FLRT2: variants seen among roughly 807,000 people sequenced by gnomAD.
The protein encoded by FLRT2 is leucine-rich repeat transmembrane protein FLRT2.
A neutral mutation model predicts 40.0 loss-of-function variants in FLRT2; 15 were observed. That is an observed-to-expected ratio of 0.38 (90% CI 0.25 to 0.58). FLRT2 has a LOEUF of 0.58. Ranked by LOEUF, FLRT2 falls within the 20% of genes least tolerant of loss-of-function variation. The pLI is 0.71. For synonymous variants in FLRT2, 380 were observed against 336.8 expected, an observed-to-expected ratio of 1.13 and a Z score of -1.41; for missense variants, 726 against 840.0, an observed-to-expected ratio of 0.86 and a Z score of 1.68.
At chr14:85,593,665 AG>A in intron 1 of FLRT2, among the ~76,000 whole-genome samples, 1 of 152,338 alleles carries the variant, frequency 6.6e-6, no homozygotes, top group Non-Finnish European at 1.5e-5. Flanking sequence ...TTGGCTATTT[AG>A]CATTGTTCGT....
intron 1 of FLRT2, among the ~76,000 whole-genome samples, chr14:85,545,658 G>A (rs986336323): frequency 1.3e-5 from 2 of 152,314 alleles, no homozygotes; most frequent in East Asian, 3.9e-4. Context: ...ATGTATTTCT[G>A]TAACATGGAA....
rs892694880 is a variant in FLRT2, at chr14:85,647,106, A to G, written c.*23609A>G. ...ATGTGCAACTGATCCACAACCTCAT[A>G]CAATTTTAGTATCTCATATGCTTCG... On this transcript the variant is annotated 3_prime_UTR_variant, in exon 2 of 2. Coordinates refer to ENST00000330753, the MANE Select transcript of FLRT2 (RefSeq NM_013231.6). 1.7e-4 allele frequency: 26 copies of G among 152,150 alleles called. No individual in the cohort carries two copies. The highest frequency in any genetic ancestry group is 7.2e-4 in the Admixed American group (11 of 15,254). 9.4% of individuals were successfully genotyped at this position (152,150 alleles called of 1,614,324 possible).
chr14:85,565,574 G>C (rs1010418330), intron 1 of FLRT2, among the ~76,000 whole-genome samples: 1 of 151,976 alleles, frequency 6.6e-6, no homozygotes, highest in African/African-American at 2.4e-5. Context: ...TTAAATTTTT[G>C]AATGATTTTA....
Position 85,623,239 on chromosome 14 carries a change from G to A in FLRT2, c.1725G>A (p.Gln575=). ...HMHKKGRYTS[Q]KWKYNRGRRK... ...ACAAAAAGGGGCGCTACACCTCCCA[G>A]AAGTGGAAATACAACCGGGGCCGGC... The change falls in exon 2 of 2, where the codon CAG becomes CAA. Residue 575 remains glutamine (Q), a synonymous_variant. Transcript: ENST00000330753. 1 of 1,520,786 alleles carries A rather than the reference G, an allele frequency of 6.6e-7. No homozygotes were observed. The highest frequency in any genetic ancestry group is 8.8e-7 in the Non-Finnish European group (1 of 1,135,180). The allele number at this position is 1,520,786 out of a possible 1,614,324, so 94.2% of individuals were successfully genotyped here. A position where few individuals can be genotyped will look rare whatever the true frequency, so the allele number is the denominator to read the frequency against.
At position 85,638,567 on chromosome 14, in the gene FLRT2, C is replaced by A. The variant is rs1894066796; in HGVS notation, c.*15070C>A. On this transcript the variant is annotated 3_prime_UTR_variant, in exon 2 of 2. Coordinates refer to ENST00000330753, the MANE Select transcript of FLRT2 (RefSeq NM_013231.6). ...TTGTATGCTACTCTGTCTCAGAGTCCATTTCCTTGGGAACCCAACCTGCTA... is the reference window on the plus strand; with the variant it reads ...TTGTATGCTACTCTGTCTCAGAGTCAATTTCCTTGGGAACCCAACCTGCTA... 6.6e-6 allele frequency: 1 copy of A among 152,160 alleles called. No homozygotes were observed. The highest frequency in any genetic ancestry group is 6.6e-5 in the Admixed American group (1 of 15,266). The allele number at this position is 152,160 out of a possible 1,614,324, so 9.4% of individuals were successfully genotyped here.
At chr14:85,567,664 G>A (rs6574831) in intron 1 of FLRT2, among the ~76,000 whole-genome samples, 72,807 of 136,018 alleles carry the variant, frequency 0.54, 20,530 homozygotes, top group Non-Finnish European at 0.63. Context: ...TTTTTGAGAC[G>A]GAGTCTCACT....
chr14:85,542,229 G>C (rs1243585386), intron 1 of FLRT2, among the ~76,000 whole-genome samples: 1 of 152,090 alleles, frequency 6.6e-6, no homozygotes, highest in Non-Finnish European at 1.5e-5. Context: ...AGATACTTCT[G>C]AACAAATAGC....
intron 1 of FLRT2, among the ~76,000 whole-genome samples, chr14:85,593,118 C>T (rs1013301156): frequency 3.9e-5 from 6 of 152,100 alleles, no homozygotes; most frequent in Admixed American, 2.6e-4. Flanking sequence ...GTAATTGCCA[C>T]CAGGTTATAC....
rs1430976731 is a variant in FLRT2, at chr14:85,633,857, G to C, written c.*10360G>C. The C allele has an allele frequency of 6.6e-6, 1 of 151,854 alleles. No individual in the cohort carries two copies. Among genetic ancestry groups the C allele is most frequent in the Non-Finnish European group, 1.5e-5 (1 of 67,988 alleles). 9.4% of individuals were successfully genotyped at this position (151,854 alleles called of 1,614,324 possible). On this transcript the variant is annotated 3_prime_UTR_variant, in exon 2 of 2. Coordinates refer to ENST00000330753, the MANE Select transcript of FLRT2 (RefSeq NM_013231.6). The stretch of plus-strand genomic sequence containing the variant: ...TTGTTTCAAAAATCTATAATTTCTA[G>C]TAAGACATAGTTTTATTTGATGCTA...
intron 1 of FLRT2, among the ~76,000 whole-genome samples, chr14:85,618,795 T>G (rs1226363554): frequency 6.6e-6 from 1 of 152,126 alleles, no homozygotes; most frequent in Non-Finnish European, 1.5e-5. Context: ...AGGCTCTCGC[T>G]AACATTCTGG....
intron 1 of FLRT2, among the ~76,000 whole-genome samples, 190 bp downstream of exon 1, chr14:85,530,724 T>C (rs1360295623): frequency 6.6e-6 from 1 of 152,068 alleles, no homozygotes; most frequent in Non-Finnish European, 1.5e-5. Flanking sequence ...CTCTCGACTT[T>C]GGGGACATCT....
intron 1 of FLRT2, among the ~76,000 whole-genome samples, chr14:85,606,181 G>A (rs1337762801): frequency 3.3e-5 from 5 of 152,144 alleles, no homozygotes; most frequent in South Asian, 2.1e-4. Context: ...CTTGGTGAGC[G>A]CACAGCTCAA....
intron 1 of FLRT2, among the ~76,000 whole-genome samples, chr14:85,541,149 A>G (rs1373748361): frequency 6.6e-6 from 1 of 152,214 alleles, no homozygotes; most frequent in Non-Finnish European, 1.5e-5. Context: ...GGGAAACTGT[A>G]AATGAAGAAA....
intron 1 of FLRT2, among the ~76,000 whole-genome samples, chr14:85,536,897 A>G (rs1888696101): frequency 6.6e-6 from 1 of 152,206 alleles, no homozygotes; most frequent in South Asian, 2.1e-4. Context: ...ATCCACTGCC[A>G]ATGAAGGGAT....
chr14:85,586,187 A>T (rs1891606489), intron 1 of FLRT2, among the ~76,000 whole-genome samples: 1 of 150,410 alleles, frequency 6.6e-6, no homozygotes, highest in South Asian at 2.1e-4. Flanking sequence ...ATTAATTCTA[A>T]CAACTCCATG....
intron 1 of FLRT2, among the ~76,000 whole-genome samples, chr14:85,561,919 G>T (rs1311613233): frequency 6.6e-6 from 1 of 152,118 alleles, no homozygotes; most frequent in African/African-American, 2.4e-5. Flanking sequence ...TGGTTTTAGT[G>T]CCCCTAAAAT....
At chr14:85,562,634 T>G (rs568102172) in intron 1 of FLRT2, 7 of 149,606 alleles carry the variant, frequency 4.7e-5, no homozygotes, top group African/African-American at 1.7e-4. Flanking sequence ...TTTTTTTTTT[T>G]GAATCTAGAC....
rs1040498760 is a variant in FLRT2 at position 85,639,362 on chromosome 14, G to T, written c.*15865G>T. On this transcript the variant is annotated 3_prime_UTR_variant, in exon 2 of 2. Coordinates refer to ENST00000330753, the MANE Select transcript of FLRT2 (RefSeq NM_013231.6). ...AATTCTCTTTGTGAAGTGATTTATG[G>T]TTTTAAAATAAGCAGCTTTTCTTGA... 6.6e-6 allele frequency: 1 copy of T among 152,148 alleles called. No individual in the cohort carries two copies. Among genetic ancestry groups the T allele is most frequent in the African/African-American group, 2.4e-5 (1 of 41,426 alleles). The allele number at this position is 152,148 out of a possible 1,614,324, so 9.4% of individuals were successfully genotyped here. A position where few individuals can be genotyped will look rare whatever the true frequency, so the allele number is the denominator to read the frequency against.
rs1345967657 is a variant in FLRT2, at chr14:85,645,897, C to T, written c.*22400C>T. ...CCAATTCTGATACTCTCATATTGCA[C>T]TATTCACTAGGAGGTTCAGCAATCT... On this transcript the variant is annotated 3_prime_UTR_variant, in exon 2 of 2. Coordinates refer to ENST00000330753, the MANE Select transcript of FLRT2 (RefSeq NM_013231.6). 1 of 152,148 alleles carries T rather than the reference C, an allele frequency of 6.6e-6. No individual in the cohort carries two copies. Among genetic ancestry groups the T allele is most frequent in the African/African-American group, 2.4e-5 (1 of 41,436 alleles). The allele number at this position is 152,148 out of a possible 1,614,324, so 9.4% of individuals were successfully genotyped here. A position where few individuals can be genotyped will look rare whatever the true frequency, so the allele number is the denominator to read the frequency against.
Sources: gnomAD v4.1 joint callset for allele counts (sites outside exome capture counted in the v4.1 genomes callset) on GRCh38, gnomAD v4.1.1 for gene constraint, MANE v1.5 for transcripts, NCBI Gene and HGNC (gene_info 2026-07-23, HGNC 2026-07-21) for gene names.